The following HS6ST3 variants were observed in gnomAD, a reference collection of about 807,000 sequenced individuals.
HS6ST3 encodes the protein heparan-sulfate 6-O-sulfotransferase 3.
Under a neutral mutation model 36.7 loss-of-function variants are expected in HS6ST3, and 12 were observed. The ratio of observed to expected loss-of-function variants is 0.33; its 90% confidence interval spans 0.21 to 0.53. The LOEUF is 0.53. Among genes scored for constraint, HS6ST3 ranks in the 20% least tolerant of loss-of-function variants. The probability of loss-of-function intolerance (pLI) is 0.95; values close to 1 mark genes in which losing one functional copy is unlikely to be tolerated. For synonymous variants in HS6ST3, 240 were observed against 257.5 expected (o/e 0.93, Z 0.65); for missense variants, 584 against 640.9 (o/e 0.91, Z 0.96).
chr13:96,746,603 G>A (rs1876566846), intron 1 of HS6ST3, among the ~76,000 whole-genome samples: 1 of 151,890 alleles, frequency 6.6e-6, no homozygotes, highest in Admixed American at 6.6e-5. Context: ...CTTCTATATT[G>A]GTCCCACATG....
chr13:96,331,900 C>G lies in HS6ST3; in HGVS notation c.707+240331C>G, dbSNP rs557031917. Among the ~76,000 whole-genome samples the G allele has an allele frequency of 3.7e-3, 560 of 152,282 alleles. 8 individuals are homozygous for G. Among genetic ancestry groups the G allele is most frequent in the African/African-American group, 0.013 (532 of 41,562 alleles). On this transcript the variant is annotated intron_variant, in intron 1 of 1. Transcript: ENST00000376705. ...ATCTCGTGGTGCGCCGTTTTTTAAGCCGGTCTGAAAAGCCAAATATTCGGT... is the reference window on the plus strand; with the variant it reads ...ATCTCGTGGTGCGCCGTTTTTTAAGGCGGTCTGAAAAGCCAAATATTCGGT...
intron 1 of HS6ST3, among the ~76,000 whole-genome samples, chr13:96,565,401 C>T (rs2056277443): frequency 6.6e-6 from 1 of 152,018 alleles, no homozygotes; most frequent in African/African-American, 2.4e-5. Context: ...GGGTAAAGAA[C>T]AGGACAGGTA....
chr13:96,831,975 A>AAAAAAAAAAAAAAAAAAAAAAAAAAC (rs1566464310), intron 1 of HS6ST3, among the ~76,000 whole-genome samples: 1 of 148,538 alleles, frequency 6.7e-6, no homozygotes, highest in African/African-American at 2.5e-5. Flanking sequence ...AAAAAAAAAA[A>AAAAAAAAAAAAAAAAAAAAAAAAAAC]AAAAACAGAG....
chr13:96,285,796 A>G (rs755981638), intron 1 of HS6ST3, among the ~76,000 whole-genome samples: 3 of 152,070 alleles, frequency 2.0e-5, no homozygotes, highest in Non-Finnish European at 4.4e-5. Context: ...CTCTAGCTTC[A>G]AGCATGGATA....
chr13:96,532,753 A>C (rs1488781202), intron 1 of HS6ST3, among the ~76,000 whole-genome samples: 1 of 152,186 alleles, frequency 6.6e-6, no homozygotes, highest in African/African-American at 2.4e-5. Context: ...AAGTCAAAAA[A>C]TTACTGAAAG....
chr13:96,736,960 G>A lies in HS6ST3; in HGVS notation c.708-95530G>A, dbSNP rs190248403. 4.0e-4 allele frequency among the ~76,000 whole-genome samples: 61 copies of A among 152,160 alleles called. 1 individual carries two copies. The highest frequency in any genetic ancestry group is 1.3e-3 in the African/African-American group (56 of 41,542). On this transcript the variant is annotated intron_variant, in intron 1 of 1. Transcript: ENST00000376705. ...ATAACATAGATCTGAAGTCAGGCTC[G>A]AAATCATAGCACTAACTGATTCACT...
At chr13:96,229,520 AC>A (rs1308106486) in intron 1 of HS6ST3, among the ~76,000 whole-genome samples, 102 of 152,284 alleles carry the variant, frequency 6.7e-4, no homozygotes, top group African/African-American at 2.4e-3. Flanking sequence ...GGAGAGAAAG[AC>A]AGGAAACCCG....
chr13:96,095,805 C>CAG (rs1212030909), intron 1 of HS6ST3, among the ~76,000 whole-genome samples: 1 of 150,578 alleles, frequency 6.6e-6, no homozygotes, highest in African/African-American at 2.5e-5. Context: ...TCATTGTGTC[C>CAG]AGAGAGAGAG....
chr13:96,406,216 A>G (rs930188550), intron 1 of HS6ST3, among the ~76,000 whole-genome samples: 1 of 152,250 alleles, frequency 6.6e-6, no homozygotes, highest in African/African-American at 2.4e-5. Flanking sequence ...TATCACATAC[A>G]GACAATTATG....
At position 96,793,875 on chromosome 13, in the gene HS6ST3, A is replaced by G. The variant is rs72646749; in HGVS notation, c.708-38615A>G. The stretch of plus-strand genomic sequence containing the variant: ...GAGCTTGGGATTTATTTCCACGCCA[A>G]TGCTCTGGGACCTATATGCTAGTTT... On this transcript the variant is annotated intron_variant, in intron 1 of 1. Coordinates refer to ENST00000376705, the MANE Select transcript of HS6ST3 (RefSeq NM_153456.4). Among the ~76,000 whole-genome samples, 586 of 152,172 alleles carry G rather than the reference A, an allele frequency of 3.9e-3. 2 individuals are homozygous for G. The highest frequency in any genetic ancestry group is 7.8e-3 in the Admixed American group (119 of 15,252).
At chr13:96,375,228 G>A (rs1436939816) in intron 1 of HS6ST3, among the ~76,000 whole-genome samples, 1 of 152,012 alleles carries the variant, frequency 6.6e-6, no homozygotes, top group African/African-American at 2.4e-5. Flanking sequence ...TGATTACTTC[G>A]TAAAGACCTG....
intron 1 of HS6ST3, among the ~76,000 whole-genome samples, chr13:96,502,747 C>T (rs1210738779): frequency 6.6e-6 from 1 of 152,150 alleles, no homozygotes; most frequent in African/African-American, 2.4e-5. Flanking sequence ...AGGTTATAGG[C>T]ATCAGTAGTT....
At chr13:96,340,385 T>G (rs1403236131) in intron 1 of HS6ST3, among the ~76,000 whole-genome samples, 1 of 152,200 alleles carries the variant, frequency 6.6e-6, no homozygotes, top group Non-Finnish European at 1.5e-5. Context: ...GCACATTAAC[T>G]TCTCTCAGCT....
chr13:96,181,481 T>TC (rs1341951247), intron 1 of HS6ST3, among the ~76,000 whole-genome samples: 1 of 152,230 alleles, frequency 6.6e-6, no homozygotes, highest in Non-Finnish European at 1.5e-5. Flanking sequence ...AGAGGTTTTT[T>TC]CTGCCTCGTT....
intron 1 of HS6ST3, among the ~76,000 whole-genome samples, chr13:96,653,675 G>C (rs1196977604): frequency 6.6e-6 from 1 of 152,142 alleles, no homozygotes; most frequent in Non-Finnish European, 1.5e-5. Flanking sequence ...ACATATGTGT[G>C]CATGTGTCTT....
At chr13:96,248,825 T>C (rs868001080) in intron 1 of HS6ST3, among the ~76,000 whole-genome samples, 1 of 152,224 alleles carries the variant, frequency 6.6e-6, no homozygotes, top group Non-Finnish European at 1.5e-5. Context: ...ATGCCTGTTA[T>C]TTCTATTCTA....
intron 1 of HS6ST3, among the ~76,000 whole-genome samples, chr13:96,414,312 A>G (rs1235053459): frequency 6.6e-6 from 1 of 152,204 alleles, no homozygotes; most frequent in Non-Finnish European, 1.5e-5. Flanking sequence ...TTCCTCAGCC[A>G]ATTAGAATAA....
At chr13:96,778,996 AG>A (rs1877460762) in intron 1 of HS6ST3, among the ~76,000 whole-genome samples, 1 of 152,216 alleles carries the variant, frequency 6.6e-6, no homozygotes, top group African/African-American at 2.4e-5. Flanking sequence ...GCCTTAAAAA[AG>A]GATGAGTTCA....
chr13:96,238,848 G>A (rs1397619168), intron 1 of HS6ST3, among the ~76,000 whole-genome samples: 2 of 152,158 alleles, frequency 1.3e-5, no homozygotes, highest in Non-Finnish European at 2.9e-5. Context: ...ATTCTACTTG[G>A]TGCCTACGTG....
Sources: gnomAD v4.1 joint callset for allele counts (sites outside exome capture counted in the v4.1 genomes callset) on GRCh38, gnomAD v4.1.1 for gene constraint, MANE v1.5 for transcripts, NCBI Gene and HGNC (gene_info 2026-07-23, HGNC 2026-07-21) for gene names.